The following CLMP variants were observed in gnomAD, a reference collection of about 807,000 sequenced individuals.
CLMP encodes the protein CXADR-like membrane protein.
A neutral mutation model predicts 45.2 loss-of-function variants in CLMP; 27 were observed. The ratio of observed to expected loss-of-function variants is 0.60; its 90% CI spans 0.44 to 0.82. The LOEUF (loss-of-function observed/expected upper bound fraction) is 0.82, where lower values mean the gene tolerates loss of function less well. CLMP is among the 40% of genes least tolerant of loss of function. The pLI is 0.00. For synonymous variants in CLMP, 167 were observed against 171.4 expected, an observed-to-expected ratio of 0.97 and a Z score of 0.20; for missense variants, 403 against 448.4, an observed-to-expected ratio of 0.90 and a Z score of 0.91.
At chr11:123,159,723 G>C (rs1861459352) in intron 1 of CLMP, among the ~76,000 whole-genome samples, 1 of 152,300 alleles carries the variant, frequency 6.6e-6, no homozygotes, top group African/African-American at 2.4e-5. Flanking sequence ...GTGGCACCTT[G>C]AGTCTGCAGG....
At chr11:123,104,968 C>T (rs1860521474) in intron 1 of CLMP, among the ~76,000 whole-genome samples, 1 of 152,180 alleles carries the variant, frequency 6.6e-6, no homozygotes, top group African/African-American at 2.4e-5. Context: ...GCAGCATTTA[C>T]CTATGGGAAG....
chr11:123,089,617 T>C (rs1865903466), intron 2 of CLMP, among the ~76,000 whole-genome samples: 1 of 150,726 alleles, frequency 6.6e-6, no homozygotes, highest in Non-Finnish European at 1.5e-5. Flanking sequence ...TACAAAAAAT[T>C]AGCCAAAATA....
chr11:123,089,100 C>T (rs552250469), intron 2 of CLMP, among the ~76,000 whole-genome samples: 1 of 152,258 alleles, frequency 6.6e-6, no homozygotes, highest in South Asian at 2.1e-4. Flanking sequence ...TTAAGAAATA[C>T]ATTTTTCTCG....
At chr11:123,183,049 C>T (rs1861789646) in intron 1 of CLMP, among the ~76,000 whole-genome samples, 1 of 152,178 alleles carries the variant, frequency 6.6e-6, no homozygotes, top group South Asian at 2.1e-4. Context: ...ATCTTCATTT[C>T]CATAACTTCT....
chr11:123,106,426 C>T (rs11218987), intron 1 of CLMP, among the ~76,000 whole-genome samples: 5,003 of 45,614 alleles, frequency 0.11, 85 homozygotes, highest in Middle Eastern at 0.18. Flanking sequence ...TGTGTGTGTG[C>T]GCGCGCGCGC....
At chr11:123,136,494 A>C (rs1190855482) in intron 1 of CLMP, 8 of 305,714 alleles carry the variant, frequency 2.6e-5, no homozygotes, top group Non-Finnish European at 4.7e-5. Context: ...CTAGGCCAAG[A>C]TGGAAGTCTA....
At chr11:123,185,657 G>A (rs1861825419) in intron 1 of CLMP, among the ~76,000 whole-genome samples, 1 of 152,172 alleles carries the variant, frequency 6.6e-6, no homozygotes, top group Non-Finnish European at 1.5e-5. Context: ...GAAGGCAGAT[G>A]GGTACCAGGC....
chr11:123,076,991 C>CTTTTTTT (rs869224079), intron 5 of CLMP, among the ~76,000 whole-genome samples: 57 of 99,656 alleles, frequency 5.7e-4, no homozygotes, highest in East Asian at 9.6e-4. Flanking sequence ...GCTATTTATT[C>CTTTTTTT]TTTTTTTTTT....
intron 1 of CLMP, among the ~76,000 whole-genome samples, chr11:123,115,183 A>G (rs1694199450): frequency 6.6e-6 from 1 of 151,520 alleles, no homozygotes; most frequent in Admixed American, 6.6e-5. Flanking sequence ...CTGGAACTAC[A>G]AGTGTGCACC....
At chr11:123,193,804 T>C (rs1354741060) in intron 1 of CLMP, among the ~76,000 whole-genome samples, 3 of 152,164 alleles carry the variant, frequency 2.0e-5, no homozygotes, top group Non-Finnish European at 4.4e-5. Flanking sequence ...TTTCCAGAGC[T>C]AAAGACGTGG....
intron 1 of CLMP, among the ~76,000 whole-genome samples, chr11:123,128,856 C>CT (rs1272822022): frequency 1.3e-5 from 2 of 152,074 alleles, no homozygotes; most frequent in Admixed American, 6.5e-5. Flanking sequence ...TGAACAGCAT[C>CT]TTTTTTAATC....
At position 123,104,668 on chromosome 11, in the gene CLMP, G is replaced by T. The variant is rs555293908; in HGVS notation, c.29-6716C>A. 8.0e-4 allele frequency among the ~76,000 whole-genome samples: 122 copies of T among 152,204 alleles called. 3 individuals are homozygous for T. Among genetic ancestry groups the T allele is most frequent in the African/African-American group, 2.7e-3 (114 of 41,530 alleles). On this transcript the variant is annotated intron_variant, in intron 1 of 6. Transcript: ENST00000448775. ...CCCAAAGTGCTGGGATTACAGGTGT[G>T]AGCCACCGCGTCCGGCCTCTGTCTT...
intron 1 of CLMP, among the ~76,000 whole-genome samples, chr11:123,128,217 T>C (rs570434): frequency 0.032 from 4,728 of 146,860 alleles, 105 homozygotes; most frequent in African/African-American, 0.059. Context: ...ACAAATTGAA[T>C]ACCCATTCAT....
intron 1 of CLMP, among the ~76,000 whole-genome samples, chr11:123,166,289 C>G (rs573646027): frequency 2.0e-5 from 3 of 152,220 alleles, no homozygotes; most frequent in Non-Finnish European, 4.4e-5. Flanking sequence ...CCAGCCTTAT[C>G]TCTTTCGCCA....
intron 1 of CLMP, among the ~76,000 whole-genome samples, chr11:123,106,120 T>A (rs77859246): frequency 0.11 from 17,467 of 151,978 alleles, 1,107 homozygotes; most frequent in Admixed American, 0.14. Flanking sequence ...CCTGCTATTA[T>A]GAGATTTTAT....
chr11:123,096,725 C>T (rs1489008793), intron 2 of CLMP, among the ~76,000 whole-genome samples: 1 of 152,164 alleles, frequency 6.6e-6, no homozygotes, highest in African/African-American at 2.4e-5. Flanking sequence ...AAAACCTTAG[C>T]TCTTCCCAAC....
At chr11:123,108,190 A>G (rs1860587764) in intron 1 of CLMP, among the ~76,000 whole-genome samples, 1 of 151,972 alleles carries the variant, frequency 6.6e-6, no homozygotes, top group Non-Finnish European at 1.5e-5. Flanking sequence ...ACCCAGCCCA[A>G]CCCCAGAACC....
intron 1 of CLMP, among the ~76,000 whole-genome samples, chr11:123,107,403 G>A (rs976247973): frequency 2.0e-5 from 3 of 151,740 alleles, no homozygotes; most frequent in Non-Finnish European, 2.9e-5. Flanking sequence ...GCAAATTTTC[G>A]TATTTTTAGT....
Position 123,097,797 on chromosome 11 carries a change from CT to C in CLMP, c.183del (p.Val62TrpfsTer2). The C allele has an allele frequency of 1.3e-6, 2 of 1,587,886 alleles. No individual in the cohort carries two copies. The highest frequency in any genetic ancestry group is 1.1e-5 in the South Asian group (1 of 87,224). On this transcript the variant is annotated frameshift_variant, in exon 2 of 7. Transcript: ENST00000448775. LOFTEE classifies it high-confidence loss of function. Reference protein sequence around the residue: ...WLLTDNEGNQKVVITYSSRHV... With the variant: ...WLLTDNEGNQXVVITYSSRHV... ...ACTCCAGCCAGGTGTCTACTTACCA[CT>C]TTTTGGTTCCCTTCATTATCGGTGA...
Sources: gnomAD v4.1 joint callset for allele counts (sites outside exome capture counted in the v4.1 genomes callset) on GRCh38, gnomAD v4.1.1 for gene constraint, MANE v1.5 for transcripts, NCBI Gene and HGNC (gene_info 2026-07-23, HGNC 2026-07-21) for gene names.